Variants in CNTN4 observed in about 807,000 individuals in gnomAD.
CNTN4 encodes the protein contactin-4.
CNTN4 carries 77 observed loss-of-function variants against 122.5 expected under a neutral mutation model. The ratio of observed to expected loss-of-function variants is 0.63; its 90% CI spans 0.52 to 0.76. The LOEUF (loss-of-function observed/expected upper bound fraction) is 0.76, where lower values mean the gene tolerates loss of function less well. CNTN4 is among the 30% of genes least tolerant of loss of function. CNTN4 has a pLI of 0.00. For synonymous variants in CNTN4, 512 were observed against 447.0 expected, an observed-to-expected ratio of 1.15 and a Z score of -1.83; for missense variants, 1,256 against 1,259.1, an observed-to-expected ratio of 1.00 and a Z score of 0.04.
intron 4 of CNTN4, among the ~76,000 whole-genome samples, chr3:2,622,568 G>A (rs1012837385): frequency 6.6e-6 from 1 of 152,166 alleles, no homozygotes; most frequent in Non-Finnish European, 1.5e-5. Flanking sequence ...GAGCCACCAC[G>A]CTCAGCTGGA....
intron 2 of CNTN4, among the ~76,000 whole-genome samples, chr3:2,161,286 G>A (rs1559299033): frequency 1.3e-5 from 2 of 152,072 alleles, no homozygotes; most frequent in Non-Finnish European, 2.9e-5. Flanking sequence ...AGTTTTCTGG[G>A]CTGCATTATA....
intron 6 of CNTN4, among the ~76,000 whole-genome samples, chr3:2,795,357 A>G (rs888725800): frequency 5.3e-5 from 8 of 152,108 alleles, no homozygotes; most frequent in Non-Finnish European, 1.0e-4. Context: ...AAAACATGGA[A>G]AGGAACTTGT....
At chr3:2,373,566 C>A (rs2045711098) in intron 3 of CNTN4, among the ~76,000 whole-genome samples, 1 of 152,160 alleles carries the variant, frequency 6.6e-6, no homozygotes, top group Admixed American at 6.5e-5. Context: ...CTTCACCCCA[C>A]CTAAGAATCT....
rs78803523 is a variant in CNTN4, at chr3:2,851,937, T to A, written c.455-14815T>A. Among the ~76,000 whole-genome samples, 576 of 152,292 alleles carry A rather than the reference T, an allele frequency of 3.8e-3. 3 individuals are homozygous for A. The highest frequency in any genetic ancestry group is 0.013 in the African/African-American group (532 of 41,562). On this transcript the variant is annotated intron_variant, in intron 7 of 24. Transcript: ENST00000418658. Reference sequence around the variant, plus strand: ...TTCTAATAAAGGAGAACTGAACAGATTTTTTCCTAGGATGCTTTCAGCTAT... The same window carrying A: ...TTCTAATAAAGGAGAACTGAACAGAATTTTTCCTAGGATGCTTTCAGCTAT...
At chr3:2,944,576 C>T (rs1477598892) in intron 13 of CNTN4, among the ~76,000 whole-genome samples, 1 of 152,034 alleles carries the variant, frequency 6.6e-6, no homozygotes. Flanking sequence ...AAACACCTAC[C>T]GAAAACACAG....
chr3:2,968,367 T>C (rs573125067), intron 13 of CNTN4, among the ~76,000 whole-genome samples: 1 of 152,196 alleles, frequency 6.6e-6, no homozygotes, highest in South Asian at 2.1e-4. Context: ...TAAATGTATA[T>C]AGGGTATAGT....
chr3:2,872,462 G>GT lies in CNTN4; in HGVS notation c.652+5523dup, dbSNP rs760336904. On this transcript the variant is annotated intron_variant, in intron 8 of 24. Coordinates refer to ENST00000418658, the MANE Select transcript of CNTN4 (RefSeq NM_175607.3). ...GGGACTGGTTTGGAAGGTTTGGAAG[G>GT]TTTTTTTTTTGTTTTGTTTTGTTTT... Among the ~76,000 whole-genome samples, 1,273 of 147,974 alleles carry GT rather than the reference G, an allele frequency of 8.6e-3. 12 individuals carry two copies. The highest frequency in any genetic ancestry group is 0.022 in the African/African-American group (906 of 40,446).
chr3:2,550,543 G>A (rs781716889), intron 3 of CNTN4, among the ~76,000 whole-genome samples: 7 of 152,086 alleles, frequency 4.6e-5, no homozygotes, highest in Non-Finnish European at 7.4e-5. Context: ...ACAGTGTGGC[G>A]ATTCCTCAAG....
intron 7 of CNTN4, among the ~76,000 whole-genome samples, chr3:2,839,570 G>C (rs1559563126): frequency 6.6e-6 from 1 of 152,128 alleles, no homozygotes; most frequent in East Asian, 1.9e-4. Context: ...TACCCCACCT[G>C]GAATTTAGAA....
chr3:2,901,786 T>A (rs1468495885), intron 11 of CNTN4, among the ~76,000 whole-genome samples: 1 of 151,746 alleles, frequency 6.6e-6, no homozygotes, highest in Non-Finnish European at 1.5e-5. Flanking sequence ...AAATTGGGAG[T>A]TTATGTAGCT....
chr3:2,540,115 A>G (rs1283564726), intron 3 of CNTN4, among the ~76,000 whole-genome samples: 1 of 151,728 alleles, frequency 6.6e-6, no homozygotes, highest in Non-Finnish European at 1.5e-5. Flanking sequence ...ATATTTTTTC[A>G]GCTAACTAAT....
At chr3:2,503,499 ATTTAAT>A (rs1305731196) in intron 3 of CNTN4, among the ~76,000 whole-genome samples, 1 of 152,144 alleles carries the variant, frequency 6.6e-6, no homozygotes, top group Admixed American at 6.6e-5. Context: ...GATTTAGCTC[ATTTAAT>A]TCCCATATCA....
intron 7 of CNTN4, among the ~76,000 whole-genome samples, chr3:2,825,819 G>T (rs778900869): frequency 2.0e-5 from 3 of 152,106 alleles, no homozygotes; most frequent in Non-Finnish European, 2.9e-5. Flanking sequence ...CTGATTCTGC[G>T]ATTATTTTCA....
At chr3:2,907,443 C>T (rs1445207431) in intron 12 of CNTN4, among the ~76,000 whole-genome samples, 1 of 151,936 alleles carries the variant, frequency 6.6e-6, no homozygotes, top group African/African-American at 2.4e-5. Context: ...CATGGTGGTG[C>T]ATGCTTGTCG....
At chr3:2,305,759 GA>G (rs1299157936) in intron 2 of CNTN4, among the ~76,000 whole-genome samples, 5 of 152,100 alleles carry the variant, frequency 3.3e-5, no homozygotes, top group Non-Finnish European at 5.9e-5. Context: ...AAAACCAAAG[GA>G]AACCCAGGAC....
chr3:2,403,807 CT>C (rs2046939160), intron 3 of CNTN4, among the ~76,000 whole-genome samples: 1 of 152,112 alleles, frequency 6.6e-6, no homozygotes, highest in African/African-American at 2.4e-5. Flanking sequence ...CAAAAGTCAC[CT>C]GGCTAGTAAT....
intron 2 of CNTN4, among the ~76,000 whole-genome samples, chr3:2,152,050 G>A (rs1002203669): frequency 6.6e-6 from 1 of 152,244 alleles, no homozygotes; most frequent in Non-Finnish European, 1.5e-5. Context: ...GGAGGTAAGA[G>A]TGCAGGAATA....
At chr3:2,105,637 G>T (rs1003628663) in intron 2 of CNTN4, among the ~76,000 whole-genome samples, 2 of 152,076 alleles carry the variant, frequency 1.3e-5, no homozygotes, top group African/African-American at 4.8e-5. Flanking sequence ...CTCCTACCAG[G>T]TCCCACCCTT....
chr3:2,223,244 C>T (rs1012826350), intron 2 of CNTN4, among the ~76,000 whole-genome samples: 4 of 152,102 alleles, frequency 2.6e-5, no homozygotes, highest in Admixed American at 1.3e-4. Flanking sequence ...TACACTGTTC[C>T]GTCCAGTTGC....
Sources: gnomAD v4.1 joint callset for allele counts (sites outside exome capture counted in the v4.1 genomes callset) on GRCh38, gnomAD v4.1.1 for gene constraint, MANE v1.5 for transcripts, NCBI Gene and HGNC (gene_info 2026-07-23, HGNC 2026-07-21) for gene names.